DDX46: variants seen among roughly 807,000 people sequenced by gnomAD.
DDX46 encodes DEAD-box helicase 46, also known as probable ATP-dependent RNA helicase DDX46.
A neutral mutation model predicts 134.9 loss-of-function variants in DDX46; 30 were observed. The ratio of observed to expected loss-of-function variants is 0.22; its 90% CI spans 0.17 to 0.30. DDX46 has a LOEUF of 0.30. Among genes scored for constraint, DDX46 ranks in the 10% least tolerant of loss-of-function variants. The pLI, the probability that DDX46 is intolerant of heterozygous loss-of-function variation, is 1.00. For synonymous variants in DDX46, 415 were observed against 404.1 expected, an observed-to-expected ratio of 1.03 and a Z score of -0.32; for missense variants, 622 against 1,248.7, an observed-to-expected ratio of 0.50 and a Z score of 7.56.
intron 16 of DDX46, among the ~76,000 whole-genome samples, chr5:134,808,463 G>A (rs115037018): frequency 0.012 from 1,824 of 152,138 alleles, 45 homozygotes; most frequent in African/African-American, 0.041. Context: ...TGGTTGTATA[G>A]GTACTCAAAG....
chr5:134,826,805 C>T (rs1018038387), intron 21 of DDX46, 142 bp from the exon 22 acceptor site: 1 of 643,702 alleles, frequency 1.6e-6, no homozygotes, highest in African/African-American at 1.9e-5. Flanking sequence ...TAATGTTCCA[C>T]CAGGCATTAA....
At chr5:134,804,336 T>C (rs944999995) in intron 15 of DDX46, among the ~76,000 whole-genome samples, 1 of 152,214 alleles carries the variant, frequency 6.6e-6, no homozygotes, top group African/African-American at 2.4e-5. Flanking sequence ...CTAAATGACA[T>C]GGTATATTGT....
At chr5:134,802,994 T>C (rs1754877343) in intron 15 of DDX46, among the ~76,000 whole-genome samples, 1 of 152,190 alleles carries the variant, frequency 6.6e-6, no homozygotes, top group Non-Finnish European at 1.5e-5. Context: ...CTCTTACTTT[T>C]TAATTTTATT....
chr5:134,826,869 T>C, intron 21 of DDX46, 78 bp from the exon 22 acceptor site: 3 of 1,432,474 alleles, frequency 2.1e-6, no homozygotes, highest in Non-Finnish European at 1.9e-6. Flanking sequence ...ACAGTGTTTC[T>C]TCCTGGACCT....
intron 21 of DDX46, among the ~76,000 whole-genome samples, chr5:134,821,006 C>T (rs1051438407): frequency 3.5e-4 from 53 of 149,998 alleles, no homozygotes; most frequent in African/African-American, 1.2e-3. Context: ...GCTAGGATTA[C>T]AGGTGCCCCC....
Position 134,830,820 on chromosome 5 carries a change from G to A in DDX46, c.*2114G>A, listed in dbSNP as rs939360066. The A allele has an allele frequency of 7.2e-5, 11 of 152,548 alleles. No homozygotes were observed. Among genetic ancestry groups the A allele is most frequent in the African/African-American group, 2.7e-4 (11 of 41,424 alleles). 9.4% of individuals were successfully genotyped at this position (152,548 alleles called of 1,614,324 possible). A position where few individuals can be genotyped will look rare whatever the true frequency, so the allele number is the denominator to read the frequency against. The stretch of plus-strand genomic sequence containing the variant: ...CATCTTTATCACCTAATGGTAGTTT[G>A]TTTTCTTTGGTAGAGTATATGGCAG... On this transcript the variant is annotated 3_prime_UTR_variant, in exon 23 of 23. Coordinates refer to ENST00000452510, the MANE Select transcript of DDX46 (RefSeq NM_001300860.2).
intron 5 of DDX46, among the ~76,000 whole-genome samples, chr5:134,777,243 A>G (rs1753971639): frequency 6.6e-6 from 1 of 152,212 alleles, no homozygotes; most frequent in South Asian, 2.1e-4. Context: ...TAGCAGAGAA[A>G]GTTTGTAGTT....
At chr5:134,788,109 ACTAGT>A (rs1216993283) in intron 11 of DDX46, among the ~76,000 whole-genome samples, 2 of 151,932 alleles carry the variant, frequency 1.3e-5, no homozygotes, top group Non-Finnish European at 2.9e-5. Flanking sequence ...TTTGAAAAAC[ACTAGT>A]CTATGTGGTC....
intron 1 of DDX46, among the ~76,000 whole-genome samples, chr5:134,762,397 G>C (rs915202980): frequency 6.6e-6 from 1 of 151,388 alleles, no homozygotes; most frequent in African/African-American, 2.4e-5. Flanking sequence ...CAGCCTGGGT[G>C]ACAGAGTGAG....
intron 10 of DDX46, among the ~76,000 whole-genome samples, chr5:134,785,054 G>A (rs764083463): frequency 1.5e-4 from 23 of 152,122 alleles, no homozygotes; most frequent in Non-Finnish European, 3.1e-4. Context: ...TCTCTCTTAG[G>A]AACACGGGGC....
chr5:134,759,068 A>G, intron 1 of DDX46, 113 bp downstream of exon 1: 1 of 1,491,930 alleles, frequency 6.7e-7, no homozygotes, highest in African/African-American at 1.4e-5. Flanking sequence ...ACGTGCGGTC[A>G]GCGCTGCCCC....
intron 5 of DDX46, among the ~76,000 whole-genome samples, chr5:134,775,825 A>G (rs970624125): frequency 8.5e-5 from 13 of 152,168 alleles, no homozygotes; most frequent in Middle Eastern, 3.2e-3. Flanking sequence ...TAGACAATCT[A>G]ATCTTTTTTA....
intron 16 of DDX46, among the ~76,000 whole-genome samples, chr5:134,809,441 C>T (rs956716238): frequency 4.6e-5 from 7 of 152,076 alleles, no homozygotes; most frequent in African/African-American, 1.4e-4. Flanking sequence ...GATCTTGGCT[C>T]ACTGCAACCT....
chr5:134,828,222 A>G (rs1344486640), intron 22 of DDX46, among the ~76,000 whole-genome samples: 1 of 150,820 alleles, frequency 6.6e-6, no homozygotes, highest in Non-Finnish European at 1.5e-5. Flanking sequence ...CTTTTCTAAA[A>G]TTCCCCTCAC....
At chr5:134,816,987 A>AC in intron 19 of DDX46, 1 of 189,108 alleles carries the variant, frequency 5.3e-6, no homozygotes, top group Non-Finnish European at 1.1e-5. Flanking sequence ...ATGGTCTTAA[A>AC]CAGTGGAGAA....
intron 17 of DDX46, 82 bp downstream of exon 17, chr5:134,811,440 T>G: frequency 6.6e-7 from 1 of 1,522,316 alleles, no homozygotes; most frequent in Non-Finnish European, 8.8e-7. Flanking sequence ...AAATCTTTTA[T>G]TTAACACTTG....
intron 2 of DDX46, among the ~76,000 whole-genome samples, chr5:134,766,596 CTG>C (rs1271119324): frequency 6.6e-6 from 1 of 151,776 alleles, no homozygotes; most frequent in East Asian, 1.9e-4. Context: ...TGATGCACAT[CTG>C]TAATCCCAGC....
rs775887965 is a variant in DDX46, at chr5:134,783,040, A to C, written c.1141A>C (p.Met381Leu). The C allele has an allele frequency of 2.5e-6, 4 of 1,613,488 alleles. No homozygotes were observed. The highest frequency in any genetic ancestry group is 3.4e-6 in the Non-Finnish European group (4 of 1,179,680). ...IKSWVQCGISMKILNSLKKHG... is the reference protein window; with the variant it reads ...IKSWVQCGISLKILNSLKKHG... ...ATCCTGGGTCCAGTGTGGAATTTCC[A>C]TGAAGATCTTAAATTCCCTCAAGAA... The change falls in exon 9 of 23, where the codon ATG (methionine) becomes CTG (leucine). Residue 381 changes from methionine (M) to leucine (L), a missense_variant. Coordinates refer to ENST00000452510, the MANE Select transcript of DDX46 (RefSeq NM_001300860.2).
intron 18 of DDX46, among the ~76,000 whole-genome samples, chr5:134,814,072 G>A (rs1220279004): frequency 6.6e-6 from 1 of 152,094 alleles, no homozygotes; most frequent in African/African-American, 2.4e-5. Flanking sequence ...AGTTGCCATA[G>A]GTTAACCACA....
Sources: gnomAD v4.1 joint callset for allele counts (sites outside exome capture counted in the v4.1 genomes callset) on GRCh38, gnomAD v4.1.1 for gene constraint, MANE v1.5 for transcripts, NCBI Gene and HGNC (gene_info 2026-07-23, HGNC 2026-07-21) for gene names.